CACNA1H: variants seen among roughly 807,000 people sequenced by gnomAD.
CACNA1H encodes the protein voltage-dependent T-type calcium channel subunit alpha-1H.
Under a neutral mutation model 192.5 loss-of-function variants are expected in CACNA1H, and 149 were observed. That is an observed-to-expected ratio of 0.77 (90% CI 0.68 to 0.89). The LOEUF (loss-of-function observed/expected upper bound fraction) is 0.89. Among genes scored for constraint, CACNA1H ranks in the 40% least tolerant of loss-of-function variants. The pLI is 0.00. For missense variants in CACNA1H, 4,257 were observed against 3,423.5 expected, an observed-to-expected ratio of 1.24 and a Z score of -6.08; for synonymous variants, 2,202 against 1,475.2, an observed-to-expected ratio of 1.49 and a Z score of -11.29.
chr16:1,200,391 G>T lies in CACNA1H; in HGVS notation c.939G>T (p.Met313Ile). ...SHIPGRRELR[M>I]PCTLGWEAYT... is the part of the protein sequence containing the mutation. Reference sequence around the variant, plus strand: ...TCCCCGGCCGCCGCGAGCTGCGCATGCCCTGCACCCTGGGCTGGGAGGCCT... The same window carrying T: ...TCCCCGGCCGCCGCGAGCTGCGCATTCCCTGCACCCTGGGCTGGGAGGCCT... Residue 313 changes from methionine to isoleucine, a missense_variant, in exon 7 of 35, where the codon ATG (methionine) becomes ATT (isoleucine). Physicochemically the swap from Met to Ile is conservative, Grantham distance 10. Transcript: ENST00000348261. 6.2e-7 allele frequency: 1 copy of T among 1,606,960 alleles called. No individual in the cohort carries two copies.
rs578163513 is a variant in CACNA1H, at chr16:1,200,167, G to A, written c.804-89G>A. The A allele has an allele frequency of 6.5e-4, 709 of 1,098,940 alleles. 5 individuals are homozygous for A. The highest frequency in any genetic ancestry group is 3.7e-3 in the South Asian group (245 of 65,528). 68.1% of individuals were successfully genotyped at this position (1,098,940 alleles called of 1,614,324 possible). ...TGACCCTGATCACGTCCCTGACCTT[G>A]ATCACGTCCCTGATCACAATCGTGC... is the stretch of plus-strand genomic sequence containing the variant. On this transcript the variant is annotated intron_variant, in intron 6 of 34. Coordinates refer to ENST00000348261, the MANE Select transcript of CACNA1H (RefSeq NM_021098.3).
chr16:1,153,988 G>A lies in CACNA1H; in HGVS notation c.251G>A (p.Gly84Asp). The part of the protein sequence containing the change: ...ALAATVFFCL[G>D]QTTRPRSWCL... Reference sequence around the variant, plus strand: ...GCGGCCACGGTCTTCTTCTGCCTCGGTCAGACCACGCGGCCGCGCAGCTGG... The same window carrying A: ...GCGGCCACGGTCTTCTTCTGCCTCGATCAGACCACGCGGCCGCGCAGCTGG... The change falls in exon 2 of 35, where the codon GGT becomes GAT. Residue 84 changes from glycine (G) to aspartate (D), a missense_variant. Physicochemically the swap from Gly to Asp is moderately conservative, Grantham distance 94 (BLOSUM62 -1). Transcript: ENST00000348261. The A allele has an allele frequency of 1.4e-6, 2 of 1,408,402 alleles. No individual in the cohort carries two copies. The highest frequency in any genetic ancestry group is 1.9e-6 in the Non-Finnish European group (2 of 1,076,172). 87.2% of individuals were successfully genotyped at this position (1,408,402 alleles called of 1,614,324 possible).
In CACNA1H at chr16:1,154,054, C is replaced by T; in HGVS notation, c.299+18C>T. On this transcript the variant is annotated intron_variant, in intron 2 of 34. Coordinates refer to ENST00000348261, the MANE Select transcript of CACNA1H (RefSeq NM_021098.3). ...TGCAACCCATATCCTTCCCGGCCGG[C>T]GGGGGGCGGGGGGCGGGGGGCGTGG... is the stretch of plus-strand genomic sequence containing the variant. 9.4e-6 allele frequency: 1 copy of T among 106,614 alleles called. No individual in the cohort carries two copies. The highest frequency in any genetic ancestry group is 1.1e-5 in the Non-Finnish European group (1 of 88,218). 6.6% of individuals were successfully genotyped at this position (106,614 alleles called of 1,614,324 possible).
At chr16:1,166,971 G>A (rs2151683629) in intron 2 of CACNA1H, among the ~76,000 whole-genome samples, 1 of 152,326 alleles carries the variant, frequency 6.6e-6, no homozygotes, top group Admixed American at 6.5e-5. Flanking sequence ...CGGAAACAGT[G>A]TTGAGTCCTC....
rs532634447 is a variant in CACNA1H at position 1,221,506 on chromosome 16, G to A, written c.*512G>A. On this transcript the variant is annotated 3_prime_UTR_variant, in exon 35 of 35. Transcript: ENST00000348261. Reference sequence around the variant, plus strand: ...AGCCACCACCCTTTCCGTTCCGCTCGGGCCTTCCCAGAAGCGTCCTGTGAC... The same window carrying A: ...AGCCACCACCCTTTCCGTTCCGCTCAGGCCTTCCCAGAAGCGTCCTGTGAC... 9.5e-5 allele frequency: 38 copies of A among 402,090 alleles called. No homozygotes were observed. Among genetic ancestry groups the A allele is most frequent in the Non-Finnish European group, 1.6e-4 (35 of 225,542 alleles). The allele number at this position is 402,090 out of a possible 1,614,324, so 24.9% of individuals were successfully genotyped here. A position where few individuals can be genotyped will look rare whatever the true frequency, so the allele number is the denominator to read the frequency against.
Position 1,201,738 on chromosome 16 carries a change from A to G in CACNA1H, c.1288A>G (p.Ser430Gly), listed in dbSNP as rs759115099. 20 of 1,610,478 alleles carry G rather than the reference A, an allele frequency of 1.2e-5. No individual in the cohort carries two copies. The highest frequency in any genetic ancestry group is 1.7e-6 in the Non-Finnish European group (2 of 1,178,980). ...GTTCTCGGAGACGAAGCAGCGGGAG[A>G]GTCAGCTGATGCGGGAGCAGCGGGC... The part of the protein sequence containing the change: ...TQFSETKQRE[S>G]QLMREQRARH... The change falls in exon 9 of 35, where the codon AGT becomes GGT. Residue 430 changes from serine to glycine, a missense_variant. Coordinates refer to ENST00000348261, the MANE Select transcript of CACNA1H (RefSeq NM_021098.3).
intron 2 of CACNA1H, among the ~76,000 whole-genome samples, chr16:1,183,659 G>A (rs1436425650): frequency 6.6e-6 from 1 of 152,244 alleles, no homozygotes; most frequent in Non-Finnish European, 1.5e-5. Flanking sequence ...GGCAGGCTCT[G>A]GAGCTCCCCG....
At chr16:1,186,967 C>G (rs1251681116) in intron 2 of CACNA1H, among the ~76,000 whole-genome samples, 1 of 152,180 alleles carries the variant, frequency 6.6e-6, no homozygotes, top group Non-Finnish European at 1.5e-5. Context: ...GTACCACCCA[C>G]TGACTCCCAG....
intron 2 of CACNA1H, among the ~76,000 whole-genome samples, chr16:1,189,088 AAGG>A (rs1204947375): frequency 6.6e-6 from 1 of 152,182 alleles, no homozygotes; most frequent in East Asian, 1.9e-4. Context: ...CTGCCGCAGA[AAGG>A]AGGCTGGGGG....
Position 1,167,409 on chromosome 16 carries a change from A to ATCCATCCC in CACNA1H, c.299+13381_299+13388dup, listed in dbSNP as rs1158421479. Among the ~76,000 whole-genome samples, 4 of 152,138 alleles carry ATCCATCCC rather than the reference A, an allele frequency of 2.6e-5. No individual in the cohort carries two copies. Among genetic ancestry groups the ATCCATCCC allele is most frequent in the African/African-American group, 9.7e-5 (4 of 41,436 alleles). On this transcript the variant is annotated intron_variant, in intron 2 of 34. Transcript: ENST00000348261. The surrounding 1 kb of genome is among the most constrained non-coding windows in gnomAD (Gnocchi z 4.2). ...AATCTGGCGTGTGTGTTTGCACGGCATCCATCCCTCCATCCGTCCTCTGGA... is the reference window on the plus strand; with the variant it reads ...AATCTGGCGTGTGTGTTTGCACGGCATCCATCCCTCCATCCCTCCATCCGTCCTCTGGA...
Position 1,204,033 on chromosome 16 carries a change from C to T in CACNA1H, c.2026C>T (p.Leu676=). The change falls in exon 10 of 35, where the codon CTG becomes TTG. Residue 676 remains leucine (L), a synonymous_variant. Transcript: ENST00000348261. ...EHGLGQAPGH[L]SGLSVPCPLP... is the part of the protein sequence containing the mutation. ...AGGACTGGGCCAGGCCCCTGGCCAT[C>T]TGTCGGGCCTCAGTGTGCCCTGCCC... 2 of 1,565,726 alleles carry T rather than the reference C, an allele frequency of 1.3e-6. No individual in the cohort carries two copies. Among genetic ancestry groups the T allele is most frequent in the South Asian group, 2.3e-5 (2 of 85,802 alleles).
Position 1,201,654 on chromosome 16 carries a change from C to A in CACNA1H, c.1213-9C>A. The A allele has an allele frequency of 6.3e-7, 1 of 1,577,666 alleles. No homozygotes were observed. The highest frequency in any genetic ancestry group is 8.6e-7 in the Non-Finnish European group (1 of 1,160,310). ...CTCACTGCCACTTACCCGCCCGCCC[C>A]CGTCACAGGTGGGCTCCTTCTTCAT... On this transcript the variant is annotated splice_polypyrimidine_tract_variant and intron_variant, in intron 8 of 34. Transcript: ENST00000348261.
intron 28 of CACNA1H, 34 bp downstream of exon 28, chr16:1,215,115 G>T: frequency 6.3e-7 from 1 of 1,592,390 alleles, no homozygotes; most frequent in East Asian, 2.3e-5. Flanking sequence ...GGTTCTGGGG[G>T]CCCCTCAGGG....
Position 1,215,351 on chromosome 16 carries a change from A to ATGCGCGTGCTTCGCAT in CACNA1H, c.5153_5168dup (p.Val1725AlafsTer59). The ATGCGCGTGCTTCGCAT allele has an allele frequency of 6.2e-7, 1 of 1,609,692 alleles. No individual in the cohort carries two copies. The highest frequency in any genetic ancestry group is 8.5e-7 in the Non-Finnish European group (1 of 1,178,232). On this transcript the variant is annotated frameshift_variant, in exon 29 of 35. Coordinates refer to ENST00000348261, the MANE Select transcript of CACNA1H (RefSeq NM_021098.3). LOFTEE classifies it high-confidence loss of function. ...CATCAACCCCACCATCATCCGCATCATGCGCGTGCTTCGCATTGCCCGTGG... is the reference window on the plus strand; with the variant it reads ...CATCAACCCCACCATCATCCGCATCATGCGCGTGCTTCGCATTGCGCGTGCTTCGCATTGCCCGTGG...
At chr16:1,161,896 G>A (rs559488623) in intron 2 of CACNA1H, among the ~76,000 whole-genome samples, 5 of 152,152 alleles carry the variant, frequency 3.3e-5, no homozygotes, top group Admixed American at 6.5e-5. Context: ...GGTCGGACGC[G>A]TTAATGGAGC....
At chr16:1,162,944 C>T (rs1373954906) in intron 2 of CACNA1H, among the ~76,000 whole-genome samples, 4 of 152,232 alleles carry the variant, frequency 2.6e-5, no homozygotes, top group African/African-American at 7.2e-5. Context: ...TCCACGGGTG[C>T]CTGGCCCTGC....
At chr16:1,190,130 C>G (rs1010894880) in intron 2 of CACNA1H, among the ~76,000 whole-genome samples, 8 of 152,226 alleles carry the variant, frequency 5.3e-5, no homozygotes, top group African/African-American at 1.9e-4. Flanking sequence ...GACCACCTCA[C>G]TGCGCCACTG....
rs529235532 is a variant in CACNA1H at position 1,178,636 on chromosome 16, C to T, written c.300-16336C>T. Reference sequence around the variant, plus strand: ...GAGAGTGAGCGTCTGTTGCTTCAGCCGCCGCCATCCAGCAGACCAGCATCC... The same window carrying T: ...GAGAGTGAGCGTCTGTTGCTTCAGCTGCCGCCATCCAGCAGACCAGCATCC... On this transcript the variant is annotated intron_variant, in intron 2 of 34. Coordinates refer to ENST00000348261, the MANE Select transcript of CACNA1H (RefSeq NM_021098.3). Among the ~76,000 whole-genome samples the T allele has an allele frequency of 7.9e-5, 12 of 152,286 alleles. No individual in the cohort carries two copies. In the South Asian group the frequency reaches 2.1e-3, roughly 26 times the overall value.
chr16:1,206,532 G>A (rs1276807438), intron 12 of CACNA1H: 5 of 543,642 alleles, frequency 9.2e-6, no homozygotes, highest in African/African-American at 1.9e-5. Context: ...AGGTGGACAA[G>A]CTGGGGATTT....
Sources: gnomAD v4.1 joint callset for allele counts (sites outside exome capture counted in the v4.1 genomes callset) on GRCh38, gnomAD v4.1.1 for gene constraint, Gnocchi (gnomAD v3.1) non-coding constraint, MANE v1.5 for transcripts, NCBI Gene and HGNC (gene_info 2026-07-23, HGNC 2026-07-21) for gene names.